NEB: variants seen among roughly 807,000 people sequenced by gnomAD.
The protein encoded by NEB is nemaline myopathy type 2.
NEB carries 512 observed loss-of-function variants against 952.2 expected under a neutral mutation model. The observed-to-expected ratio is 0.54, with a 90% CI of 0.50 to 0.58. The LOEUF (loss-of-function observed/expected upper bound fraction) is 0.58, where lower values mean the gene tolerates loss of function less well. NEB is among the 20% of genes least tolerant of loss of function. The pLI, the probability that NEB is intolerant of heterozygous loss-of-function variation, is 0.00. For missense variants in NEB, 8,428 were observed against 9,231.1 expected, an observed-to-expected ratio of 0.91 and a Z score of 3.56; for synonymous variants, 2,900 against 3,149.8, an observed-to-expected ratio of 0.92 and a Z score of 2.66.
chr2:151,666,597 A>G (rs2099221034), intron 40 of NEB, among the ~76,000 whole-genome samples, 196 bp from the exon 41 acceptor site: 1 of 152,194 alleles, frequency 6.6e-6, no homozygotes, highest in Non-Finnish European at 1.5e-5. Flanking sequence ...GGAGATCATT[A>G]AAAATGGAAT....
chr2:151,503,082 A>G (rs1375923739), intron 166 of NEB, 197 bp from the exon 167 acceptor site: 2 of 583,694 alleles, frequency 3.4e-6, no homozygotes, highest in Non-Finnish European at 6.0e-6. Flanking sequence ...AAAAAGTACA[A>G]TGGAAAGCAT....
intron 46 of NEB, among the ~76,000 whole-genome samples, chr2:151,661,051 A>G (rs1373363978): frequency 6.6e-6 from 1 of 152,160 alleles, no homozygotes; most frequent in African/African-American, 2.4e-5. Context: ...GTTCTAGTCC[A>G]GACCCTGCTG....
intron 25 of NEB, 40 bp from the exon 26 acceptor site, chr2:151,687,773 C>G (rs758831952): frequency 6.0e-6 from 9 of 1,504,180 alleles, no homozygotes; most frequent in South Asian, 1.2e-5. Flanking sequence ...ATAAGAACAA[C>G]AGTGTAATCC....
In NEB at chr2:151,682,788, G is replaced by A; in HGVS notation, c.2836-19C>T. The A allele has an allele frequency of 6.3e-7, 1 of 1,583,988 alleles. No individual in the cohort carries two copies. Among genetic ancestry groups the A allele is most frequent in the East Asian group, 2.2e-5 (1 of 44,554 alleles). On this transcript the variant is annotated intron_variant, in intron 28 of 181. Coordinates refer to ENST00000397345, the MANE Select transcript of NEB (RefSeq NM_001164508.2). ...ATTCAACCTAAAACACCAAGAGAAA[G>A]GTTACATTTCTTTGCTGTGTCATCC...
chr2:151,636,579 A>G (rs995963796), intron 63 of NEB, among the ~76,000 whole-genome samples: 5 of 152,170 alleles, frequency 3.3e-5, no homozygotes, highest in Non-Finnish European at 5.9e-5. Flanking sequence ...CAGGAGTTCG[A>G]GACCAGCATG....
Position 151,501,240 on chromosome 2 carries a change from T to C in NEB, c.24021+151A>G, listed in dbSNP as rs1378028329. The stretch of plus-strand genomic sequence containing the variant: ...ATGTTTGTTAGAATCAAATGGTGAG[T>C]AGGAGATCTGGAAAACAGAAGGATT... On this transcript the variant is annotated intron_variant, in intron 168 of 181. Coordinates refer to ENST00000397345, the MANE Select transcript of NEB (RefSeq NM_001164508.2). The C allele has an allele frequency of 1.1e-5, 6 of 527,156 alleles. No individual in the cohort carries two copies. In the East Asian group the frequency reaches 1.5e-4, roughly 13 times the overall value. The allele number at this position is 527,156 out of a possible 1,614,324, so 32.7% of individuals were successfully genotyped here.
rs2149298942 is a variant in NEB, at chr2:151,695,608, C to T, written c.1644G>A (p.Gln548=). Residue 548 remains glutamine, a synonymous_variant, in exon 18 of 182, where the codon CAG becomes CAA. Coordinates refer to ENST00000397345, the MANE Select transcript of NEB (RefSeq NM_001164508.2). ...HIPPDTPAFI[Q]HKVNAYNLSD... ...TCAAGTTATAGGCATTGACTTTGTG[C>T]TGGATAAAAGCAGGAGTATCAGGGG... The T allele has an allele frequency of 6.2e-7, 1 of 1,613,798 alleles. No individual in the cohort carries two copies. Among genetic ancestry groups the T allele is most frequent in the Admixed American group, 1.7e-5 (1 of 60,000 alleles).
rs768455804 is a variant in NEB, at chr2:151,567,314, C to T, written c.18010G>A (p.Ala6004Thr). The T allele has an allele frequency of 1.9e-6, 3 of 1,613,916 alleles. No homozygotes were observed. Among genetic ancestry groups the T allele is most frequent in the Non-Finnish European group, 1.7e-6 (2 of 1,179,840 alleles). ...HKTKAKINIP[A>T]DMVSVLAAKQ... ...GCGGCCAAGACTGACACCATATCAG[C>T]AGGTATATTGATTTTGGCCTTTGTT... Residue 6004 changes from alanine (A) to threonine (T), a missense_variant, in exon 114 of 182, where the codon GCT (alanine) becomes ACT (threonine). Ala to Thr is a moderately conservative substitution (Grantham distance 58, BLOSUM62 0). This residue lies in a region of NEB where 3,374 missense variants were observed against 3,651.5 expected (regional missense o/e 0.92). Coordinates refer to ENST00000397345, the MANE Select transcript of NEB (RefSeq NM_001164508.2).
intron 50 of NEB, 33 bp downstream of exon 50, chr2:151,655,784 G>A: frequency 6.2e-7 from 1 of 1,601,202 alleles, no homozygotes. Context: ...TTCCTCACGT[G>A]GGAGCTGTGT....
At position 151,679,783 on chromosome 2, in the gene NEB, C is replaced by T; in HGVS notation, c.3193G>A (p.Asp1065Asn). The change falls in exon 32 of 182, where the codon GAC (aspartate) becomes AAC (asparagine). Residue 1065 changes from aspartate to asparagine, a missense_variant. Coordinates refer to ENST00000397345, the MANE Select transcript of NEB (RefSeq NM_001164508.2). ...ATGGGAATCGCATCAGTTCTCAGGT[C>T]ATATCCCTTCTTGCTCAAGTCTTTC... The part of the protein sequence containing the change: ...DLKDLSKKGY[D>N]LRTDAIPIRA... 6.2e-7 allele frequency: 1 copy of T among 1,613,452 alleles called. No individual in the cohort carries two copies. Among genetic ancestry groups the T allele is most frequent in the African/African-American group, 1.3e-5 (1 of 74,924 alleles).
chr2:151,609,442 AT>A (rs1054337257), intron 81 of NEB, among the ~76,000 whole-genome samples: 10 of 152,104 alleles, frequency 6.6e-5, no homozygotes, highest in African/African-American at 2.4e-4. Context: ...CCATAATATA[AT>A]TATTTGATAT....
chr2:151,496,832 G>GAAGT (rs2060540133), intron 172 of NEB, 109 bp downstream of exon 172: 2 of 1,270,798 alleles, frequency 1.6e-6, no homozygotes, highest in African/African-American at 1.5e-5. Flanking sequence ...GCTAAAGAAA[G>GAAGT]AAGTTCACAA....
At chr2:151,679,667 A>ACCCCCCCCC in intron 32 of NEB, 54 bp downstream of exon 32, 1 of 486,368 alleles carries the variant, frequency 2.1e-6, no homozygotes, top group Non-Finnish European at 4.1e-6. Flanking sequence ...TCAGACCCCA[A>ACCCCCCCCC]GCCCACCCAC....
At chr2:151,639,757 G>GCCT in intron 62 of NEB, 100 bp downstream of exon 62, 4 of 984,724 alleles carry the variant, frequency 4.1e-6, no homozygotes, top group South Asian at 1.7e-5. Context: ...ATAGATAGAT[G>GCCT]CCTTTTATTA....
Position 151,607,229 on chromosome 2 carries a change from A to C in NEB, c.12639+275T>G, listed in dbSNP as rs1162330120. On this transcript the variant is annotated intron_variant, in intron 83 of 181. Transcript: ENST00000397345. Reference sequence around the variant, plus strand: ...GTCCTGGATCAATTAAAAAAACCTAAGATGATAACAGAGACTGTTAAGAGT... The same window carrying C: ...GTCCTGGATCAATTAAAAAAACCTACGATGATAACAGAGACTGTTAAGAGT... Among the ~76,000 whole-genome samples, 14 of 103,682 alleles carry C rather than the reference A, an allele frequency of 1.4e-4. 2 individuals carry two copies. Among genetic ancestry groups the C allele is most frequent in the African/African-American group, 3.6e-4 (14 of 39,064 alleles). The allele number at this position is 103,682 out of a possible 152,430, so 68.0% of individuals were successfully genotyped here. A position where few individuals can be genotyped will look rare whatever the true frequency, so the allele number is the denominator to read the frequency against.
chr2:151,576,324 G>C lies in NEB; in HGVS notation c.16735C>G (p.Arg5579Gly). 6.2e-7 allele frequency: 1 copy of C among 1,608,014 alleles called. No homozygotes were observed. Among genetic ancestry groups the C allele is most frequent in the Non-Finnish European group, 8.5e-7 (1 of 1,176,288 alleles). Reference protein sequence around the residue: ...ALYKADLEWLRGIGWMPQGSP... With the variant: ...ALYKADLEWLGGIGWMPQGSP... ...CCTTGGGGCATCCAGCCAATGCCAC[G>C]CAACCACTCCAAGTCAGCCTTGTAG... The change falls in exon 106 of 182, where the codon CGT (arginine) becomes GGT (glycine). Residue 5579 changes from arginine (R) to glycine (G), a missense_variant. Transcript: ENST00000397345.
In NEB at chr2:151,677,608, G is replaced by A. The variant is rs1343159409; in HGVS notation, c.3731C>T (p.Pro1244Leu). 3 of 1,613,912 alleles carry A rather than the reference G, an allele frequency of 1.9e-6. No individual in the cohort carries two copies. ...GTTCTGTTTTGCCTGGACCATAACTGGGGAGTCCACAATGCTGGTAAATTT... is the reference window on the plus strand; with the variant it reads ...GTTCTGTTTTGCCTGGACCATAACTAGGGAGTCCACAATGCTGGTAAATTT... The part of the protein sequence containing the change: ...TLKFTSIVDS[P>L]VMVQAKQNTK... Residue 1244 changes from proline to leucine, a missense_variant, in exon 34 of 182, where the codon CCA (proline) becomes CTA (leucine). This residue lies in a region of NEB where 2,851 missense variants were observed against 2,791.5 expected (regional missense o/e 1.02). Transcript: ENST00000397345.
chr2:151,502,967 A>G (rs1023286252), intron 166 of NEB, 82 bp from the exon 167 acceptor site: 29 of 797,134 alleles, frequency 3.6e-5, no homozygotes, highest in Non-Finnish European at 6.0e-5. Flanking sequence ...GGAAGGGGTT[A>G]TATGTGAGGA....
At chr2:151,733,440 T>C (rs570940080) in intron 2 of NEB, among the ~76,000 whole-genome samples, 1 of 152,264 alleles carries the variant, frequency 6.6e-6, no homozygotes, top group South Asian at 2.1e-4. Context: ...AAAACGAAAT[T>C]GAGGTAAGGA....
Sources: gnomAD v4.1 joint callset for allele counts (sites outside exome capture counted in the v4.1 genomes callset) on GRCh38, gnomAD v4.1.1 for gene constraint, gnomAD v4.1.1 regional missense constraint, MANE v1.5 for transcripts, NCBI Gene and HGNC (gene_info 2026-07-23, HGNC 2026-07-21) for gene names.